The following OCA2 variants were observed in gnomAD, a reference collection of about 807,000 sequenced individuals.
The protein encoded by OCA2 is OCA2 melanosomal transmembrane protein, also known as P protein.
Under a neutral mutation model 100.2 loss-of-function variants are expected in OCA2, and 77 were observed. The ratio of observed to expected loss-of-function variants is 0.77; its 90% CI spans 0.64 to 0.93. OCA2 has a LOEUF of 0.93. Ranked by LOEUF, OCA2 falls within the 40% of genes least tolerant of loss-of-function variation. The pLI, the probability that OCA2 is intolerant of heterozygous loss-of-function variation, is 0.00. For missense variants in OCA2, 1,062 were observed against 1,089.1 expected (o/e 0.98, Z 0.35); for synonymous variants, 432 against 439.2 (o/e 0.98, Z 0.21).
At chr15:28,085,465 G>C (rs1294098649) in intron 1 of OCA2, among the ~76,000 whole-genome samples, 1 of 152,164 alleles carries the variant, frequency 6.6e-6, no homozygotes, top group Non-Finnish European at 1.5e-5. Context: ...ACTCAAGCCA[G>C]AGCCCAAGCT....
Position 28,022,429 on chromosome 15 carries a change from C to T in OCA2, c.646+72G>A, listed in dbSNP as rs1353983694. 2.9e-5 allele frequency: 32 copies of T among 1,110,328 alleles called. No homozygotes were observed. The South Asian group carries it at 3.1e-4, about 11-fold the overall frequency. The allele number at this position is 1,110,328 out of a possible 1,614,324, so 68.8% of individuals were successfully genotyped here. A position where few individuals can be genotyped will look rare whatever the true frequency, so the allele number is the denominator to read the frequency against. ...CGTGGCCTTCAGCAGCAGTCACAAC[C>T]GTCTGCAAGTGTCTCCTTGTGTTTC... On this transcript the variant is annotated intron_variant, in intron 6 of 23. Transcript: ENST00000354638.
intron 19 of OCA2, among the ~76,000 whole-genome samples, chr15:27,894,953 G>T (rs1274618305): frequency 6.6e-6 from 1 of 152,196 alleles, no homozygotes; most frequent in Non-Finnish European, 1.5e-5. Flanking sequence ...GCATATTTAA[G>T]GTTGGATTGT....
intron 23 of OCA2, among the ~76,000 whole-genome samples, chr15:27,803,553 A>G (rs2033701493): frequency 6.6e-6 from 1 of 152,218 alleles, no homozygotes; most frequent in Admixed American, 6.5e-5. Context: ...GGGACAGAAC[A>G]GAATAGTGGT....
At chr15:27,922,427 G>A (rs1295230302) in intron 19 of OCA2, among the ~76,000 whole-genome samples, 1 of 152,198 alleles carries the variant, frequency 6.6e-6, no homozygotes, top group African/African-American at 2.4e-5. Flanking sequence ...AGGTGGCTGT[G>A]AAATTATTAC....
intron 9 of OCA2, among the ~76,000 whole-genome samples, chr15:28,008,829 C>A (rs1481522227): frequency 6.6e-6 from 1 of 152,246 alleles, no homozygotes; most frequent in Non-Finnish European, 1.5e-5. Context: ...GAGCAGCTGG[C>A]AGCAGCAGAT....
At chr15:28,082,901 T>C (rs73377780) in intron 1 of OCA2, among the ~76,000 whole-genome samples, 5,202 of 152,308 alleles carry the variant, frequency 0.034, 282 homozygotes, top group African/African-American at 0.12. Context: ...TGTCCTACTT[T>C]GGGGCTTATA....
chr15:27,887,556 C>T (rs1316681303), intron 19 of OCA2, among the ~76,000 whole-genome samples: 1 of 151,116 alleles, frequency 6.6e-6, no homozygotes, highest in African/African-American at 2.4e-5. Context: ...CCAAGAGACA[C>T]CCAGGTCAAG....
rs758894409 is a variant in OCA2 at position 28,081,717 on chromosome 15, CT to C, written c.157del (p.Arg53GlyfsTer49). 2.0e-5 allele frequency: 32 copies of C among 1,613,664 alleles called. No individual in the cohort carries two copies. Among genetic ancestry groups the C allele is most frequent in the Non-Finnish European group, 2.7e-5 (32 of 1,179,948 alleles). ...GGADPSHSCP[R>X]GAAGQSSWAP... Reference sequence around the variant, plus strand: ...CCAAGAGCTCTGCCCGGCAGCCCCCCTGGGGCAGGAGTGCGAGGGGTCAGCT... The same window carrying C: ...CCAAGAGCTCTGCCCGGCAGCCCCCCGGGGCAGGAGTGCGAGGGGTCAGCT... On this transcript the variant is annotated frameshift_variant, in exon 2 of 24. Transcript: ENST00000354638. LOFTEE classifies it high-confidence loss of function.
the OCA2 span, among the ~76,000 whole-genome samples, chr15:27,748,884 G>A: frequency 0.22 from 34,002 of 151,904 alleles, 4,598 homozygotes; most frequent in East Asian, 0.62. Flanking sequence ...GAGTGGAGAC[G>A]ACAGAGTATA....
intron 13 of OCA2, among the ~76,000 whole-genome samples, chr15:27,984,455 C>T (rs981849211): frequency 2.6e-5 from 4 of 152,242 alleles, no homozygotes; most frequent in African/African-American, 9.6e-5. Context: ...TTGGGTCTCA[C>T]TCAGAGGCCT....
chr15:27,999,463 C>G (rs150477825), intron 9 of OCA2, among the ~76,000 whole-genome samples: 50 of 152,208 alleles, frequency 3.3e-4, no homozygotes, highest in African/African-American at 1.2e-3. Context: ...AATAAATGTA[C>G]CACAACGTAA....
chr15:27,749,492 A>G, the OCA2 span, among the ~76,000 whole-genome samples: 1 of 152,226 alleles, frequency 6.6e-6, no homozygotes, highest in Non-Finnish European at 1.5e-5. Flanking sequence ...TCTAGCCACC[A>G]GAATAAGGCA....
rs891386824 is a variant in OCA2 at position 27,845,681 on chromosome 15, G to A, written c.2339-629C>T. On this transcript the variant is annotated intron_variant, in intron 22 of 23. Coordinates refer to ENST00000354638, the MANE Select transcript of OCA2 (RefSeq NM_000275.3). ...CCCCCCACACACACTCACACCCAGG[G>A]AAGGCCCAGGAGCCTCCTCCGTCGC... is the stretch of plus-strand genomic sequence containing the variant. 5.9e-5 allele frequency among the ~76,000 whole-genome samples: 9 copies of A among 152,112 alleles called. 1 individual carries two copies. Among genetic ancestry groups the A allele is most frequent in the African/African-American group, 2.2e-4 (9 of 41,424 alleles).
chr15:27,847,580 G>A (rs542158363), intron 22 of OCA2, among the ~76,000 whole-genome samples: 1 of 152,318 alleles, frequency 6.6e-6, no homozygotes, highest in South Asian at 2.1e-4. Flanking sequence ...CTCCGGAAAG[G>A]AGGCCCTGGA....
chr15:27,791,767 A>C (rs749873930), intron 23 of OCA2, among the ~76,000 whole-genome samples: 46 of 152,196 alleles, frequency 3.0e-4, no homozygotes, highest in Non-Finnish European at 6.2e-4. Context: ...GGGACTCTTG[A>C]GCAACGTACT....
chr15:27,945,444 C>T (rs899909609), intron 18 of OCA2, among the ~76,000 whole-genome samples: 1 of 152,154 alleles, frequency 6.6e-6, no homozygotes, highest in Non-Finnish European at 1.5e-5. Flanking sequence ...ACTAACTGGT[C>T]ACGGAGAAGC....
At chr15:27,927,704 T>C (rs1193302787) in intron 18 of OCA2, among the ~76,000 whole-genome samples, 1 of 152,186 alleles carries the variant, frequency 6.6e-6, no homozygotes, top group Non-Finnish European at 1.5e-5. Flanking sequence ...TTTCTGATTT[T>C]AGACATTCCA....
chr15:27,742,492 G>T, the OCA2 span, among the ~76,000 whole-genome samples: 5 of 152,258 alleles, frequency 3.3e-5, no homozygotes, highest in African/African-American at 1.2e-4. Context: ...TCCCATCCCA[G>T]GCTGAAGACT....
intron 15 of OCA2, among the ~76,000 whole-genome samples, chr15:27,963,729 C>G (rs565881478): frequency 6.6e-6 from 1 of 151,362 alleles, no homozygotes; most frequent in Non-Finnish European, 1.5e-5. Flanking sequence ...ATAAGCAAGC[C>G]TGAAAGTAAG....
Sources: allele counts gnomAD v4.1 joint callset (sites outside exome capture counted in the v4.1 genomes callset), GRCh38; gene constraint gnomAD v4.1.1; transcripts MANE v1.5; gene names NCBI Gene and HGNC (gene_info 2026-07-23, HGNC 2026-07-21).